MEI4: variants seen among roughly 807,000 people sequenced by gnomAD.
MEI4 encodes the protein meiotic double-stranded break formation protein 4.
A neutral mutation model predicts 31.4 loss-of-function variants in MEI4; 27 were observed. That is an observed-to-expected ratio of 0.86 (90% CI 0.63 to 1.19). The LOEUF (loss-of-function observed/expected upper bound fraction) is 1.19, where lower values mean the gene tolerates loss of function less well. Ranked by LOEUF, MEI4 falls within the 50% of genes most tolerant of loss-of-function variation. The probability of loss-of-function intolerance (pLI) is 0.00; values close to 1 mark genes in which losing one functional copy is unlikely to be tolerated. For synonymous variants in MEI4, 122 were observed against 145.4 expected, an observed-to-expected ratio of 0.84 and a Z score of 1.16; for missense variants, 329 against 398.9, an observed-to-expected ratio of 0.82 and a Z score of 1.49.
chr6:77,715,959 A>G (rs1410125160), intron 2 of MEI4, among the ~76,000 whole-genome samples: 1 of 152,176 alleles, frequency 6.6e-6, no homozygotes, highest in East Asian at 1.9e-4. Context: ...TTTTAAGAAA[A>G]GAGTAATTTA....
chr6:77,745,992 A>G (rs952459924), intron 2 of MEI4, among the ~76,000 whole-genome samples: 11 of 152,194 alleles, frequency 7.2e-5, no homozygotes, highest in East Asian at 5.8e-4. Context: ...GAAATTTATA[A>G]CACTAAATGC....
At chr6:77,789,852 C>T (rs1287676287) in intron 3 of MEI4, among the ~76,000 whole-genome samples, 1 of 152,062 alleles carries the variant, frequency 6.6e-6, no homozygotes, top group Non-Finnish European at 1.5e-5. Context: ...TGTGGCGATT[C>T]CTCAGGGATC....
At chr6:77,910,762 A>T (rs1454097198) in intron 4 of MEI4, among the ~76,000 whole-genome samples, 1 of 152,086 alleles carries the variant, frequency 6.6e-6, no homozygotes, top group Non-Finnish European at 1.5e-5. Context: ...ATACTGATTT[A>T]ATTTCCTTTG....
intron 2 of MEI4, among the ~76,000 whole-genome samples, chr6:77,742,171 T>C (rs1767426197): frequency 6.6e-6 from 1 of 152,046 alleles, no homozygotes; most frequent in South Asian, 2.1e-4. Context: ...GTATTTCTAG[T>C]TCTAGATCCC....
At chr6:77,677,594 A>C (rs931344826) in intron 1 of MEI4, among the ~76,000 whole-genome samples, 1 of 152,148 alleles carries the variant, frequency 6.6e-6, no homozygotes, top group African/African-American at 2.4e-5. Context: ...CTCAGACAGA[A>C]GTAGGATTAT....
intron 3 of MEI4, among the ~76,000 whole-genome samples, chr6:77,798,223 TAG>T (rs1769135269): frequency 6.6e-6 from 1 of 150,686 alleles, no homozygotes; most frequent in African/African-American, 2.4e-5. Context: ...GCAAAAAAGG[TAG>T]TAAAGAAGGA....
chr6:77,715,478 A>AATT (rs1289947850), intron 2 of MEI4, among the ~76,000 whole-genome samples: 1 of 152,188 alleles, frequency 6.6e-6, no homozygotes, highest in Admixed American at 6.5e-5. Flanking sequence ...GTGCCAAAGT[A>AATT]ATTATAGTTT....
Position 77,761,356 on chromosome 6 carries a change from C to G in MEI4, c.459C>G (p.Phe153Leu). ...ATCCTTTGTCTTCTCACATGCAATTCTTGCAATATCTACTTGAATTAAAGA... is the reference window on the plus strand; with the variant it reads ...ATCCTTTGTCTTCTCACATGCAATTGTTGCAATATCTACTTGAATTAAAGA... ...LQNPLSSHMQ[F>L]LQYLLELKNL... Residue 153 changes from phenylalanine to leucine, a missense_variant, in exon 3 of 5, where the codon TTC becomes TTG. Physicochemically the swap from Phe to Leu is conservative, Grantham distance 22. Transcript: ENST00000684080. The G allele has an allele frequency of 8.1e-7, 1 of 1,232,394 alleles. No individual in the cohort carries two copies. Among genetic ancestry groups the G allele is most frequent in the Non-Finnish European group, 1.0e-6 (1 of 987,974 alleles). 76.3% of individuals were successfully genotyped at this position (1,232,394 alleles called of 1,614,324 possible). A position where few individuals can be genotyped will look rare whatever the true frequency, so the allele number is the denominator to read the frequency against.
At chr6:77,762,662 T>G (rs1207141956) in intron 3 of MEI4, among the ~76,000 whole-genome samples, 3 of 152,222 alleles carry the variant, frequency 2.0e-5, no homozygotes, top group African/African-American at 7.2e-5. Flanking sequence ...TTTTCAAAAT[T>G]TTGAATAAAA....
chr6:77,890,175 A>G lies in MEI4; in HGVS notation c.901-32914A>G, dbSNP rs550052292. Among the ~76,000 whole-genome samples the G allele has an allele frequency of 7.2e-5, 11 of 152,300 alleles. No individual in the cohort carries two copies. The East Asian group carries it at 1.9e-3, about 27-fold the overall frequency. ...CCAGACCCCAGAATCATAGCTCCACAGACAGCTTGCACTGTGTGCCTGGAA... is the reference window on the plus strand; with the variant it reads ...CCAGACCCCAGAATCATAGCTCCACGGACAGCTTGCACTGTGTGCCTGGAA... On this transcript the variant is annotated intron_variant, in intron 4 of 4. Transcript: ENST00000684080.
intron 2 of MEI4, among the ~76,000 whole-genome samples, chr6:77,746,767 G>T (rs887903464): frequency 3.9e-5 from 6 of 151,964 alleles, no homozygotes; most frequent in Non-Finnish European, 8.8e-5. Context: ...CACTGTATGT[G>T]GAGGGTAAAA....
chr6:77,825,677 A>T (rs1040111584), intron 3 of MEI4, among the ~76,000 whole-genome samples: 3 of 152,218 alleles, frequency 2.0e-5, no homozygotes, highest in Admixed American at 2.0e-4. Context: ...TCAACAGGTT[A>T]TAGGAATTTA....
Position 77,853,112 on chromosome 6 carries a change from C to T in MEI4, c.900+24050C>T, listed in dbSNP as rs185247189. Among the ~76,000 whole-genome samples the T allele has an allele frequency of 7.9e-4, 120 of 152,192 alleles. 2 individuals carry two copies. Among genetic ancestry groups the T allele is most frequent in the African/African-American group, 2.1e-3 (89 of 41,546 alleles). ...ACTTGGGAGGCTGAGGCAGGAGAAT[C>T]GCTTCAACCCGCGAGGTGGAGGTTG... On this transcript the variant is annotated intron_variant, in intron 4 of 4. Transcript: ENST00000684080.
Position 77,792,138 on chromosome 6 carries a change from G to A in MEI4, c.768+30473G>A, listed in dbSNP as rs567596143. ...TGACAGGATTTTGTTCTTTTTTAAA[G>A]GATGAATAGTATTCCATTGTGTATA... On this transcript the variant is annotated intron_variant, in intron 3 of 4. Coordinates refer to ENST00000684080, the MANE Select transcript of MEI4 (RefSeq NM_001322247.2). Among the ~76,000 whole-genome samples, 3 of 152,192 alleles carry A rather than the reference G, an allele frequency of 2.0e-5. No individual in the cohort carries two copies. The South Asian group carries it at 6.2e-4, about 32-fold the overall frequency.
intron 2 of MEI4, among the ~76,000 whole-genome samples, chr6:77,753,836 G>C (rs1767845254): frequency 6.6e-6 from 1 of 152,154 alleles, no homozygotes; most frequent in African/African-American, 2.4e-5. Context: ...CAATAGCAAA[G>C]ACTTGGAACC....
chr6:77,750,668 T>C (rs1160492535), intron 2 of MEI4, among the ~76,000 whole-genome samples: 2 of 151,966 alleles, frequency 1.3e-5, no homozygotes, highest in African/African-American at 2.4e-5. Context: ...CACAATAATA[T>C]TGGGAGACTT....
At chr6:77,663,064 T>C (rs1768542942) in intron 1 of MEI4, among the ~76,000 whole-genome samples, 1 of 152,232 alleles carries the variant, frequency 6.6e-6, no homozygotes, top group South Asian at 2.1e-4. Context: ...TAATGGGTTA[T>C]AGAGGCAGGT....
intron 4 of MEI4, among the ~76,000 whole-genome samples, chr6:77,884,932 A>G (rs1771583936): frequency 6.6e-6 from 1 of 152,020 alleles, no homozygotes; most frequent in Non-Finnish European, 1.5e-5. Flanking sequence ...GTGTCTTTAT[A>G]TTACTTTGAG....
rs539646196 is a variant in MEI4, at chr6:77,733,715, A to T, written c.233-27415A>T. Among the ~76,000 whole-genome samples the T allele has an allele frequency of 2.2e-3, 326 of 151,606 alleles. 7 individuals carry two copies. The highest frequency in any genetic ancestry group is 7.7e-3 in the African/African-American group (316 of 41,162). ...TGCTTTTCTAGTTCTTTTAATTGTG[A>T]TGTTAGGGTGTCAATTCTGGATCTT... On this transcript the variant is annotated intron_variant, in intron 2 of 4. Transcript: ENST00000684080.
Sources: gnomAD v4.1 joint callset for allele counts (sites outside exome capture counted in the v4.1 genomes callset) on GRCh38, gnomAD v4.1.1 for gene constraint, MANE v1.5 for transcripts, NCBI Gene and HGNC (gene_info 2026-07-23, HGNC 2026-07-21) for gene names.